The following SIPA1L2 variants were observed in gnomAD, a reference collection of about 807,000 sequenced individuals.
SIPA1L2 encodes the protein signal-induced proliferation-associated 1-like protein 2.
A neutral mutation model predicts 163.9 loss-of-function variants in SIPA1L2; 56 were observed. The observed-to-expected ratio is 0.34, with a 90% confidence interval of 0.28 to 0.43. The LOEUF is 0.43. SIPA1L2 is among the 20% of genes least tolerant of loss of function. SIPA1L2 has a pLI of 1.00. For missense variants in SIPA1L2, 1,974 were observed against 2,193.5 expected, an observed-to-expected ratio of 0.90 and a Z score of 2.00; for synonymous variants, 877 against 865.7, an observed-to-expected ratio of 1.01 and a Z score of -0.23.
intron 15 of SIPA1L2, among the ~76,000 whole-genome samples, chr1:232,432,919 G>A (rs1002374028): frequency 6.6e-6 from 1 of 152,198 alleles, no homozygotes; most frequent in African/African-American, 2.4e-5. Context: ...GTGACCCAGT[G>A]TTAGTAAGAA....
intron 16 of SIPA1L2, among the ~76,000 whole-genome samples, chr1:232,431,986 G>A (rs1444559419): frequency 6.6e-6 from 1 of 152,158 alleles, no homozygotes; most frequent in Non-Finnish European, 1.5e-5. Context: ...ACCATCAGCA[G>A]CATGTTACCA....
Position 232,562,097 on chromosome 1 carries a change from G to C in SIPA1L2, c.-270+12077C>G, listed in dbSNP as rs147276133. Among the ~76,000 whole-genome samples, 974 of 152,318 alleles carry C rather than the reference G, an allele frequency of 6.4e-3. 24 individuals carry two copies. Among genetic ancestry groups the C allele is most frequent in the Admixed American group, 0.027 (420 of 15,300 alleles). On this transcript the variant is annotated intron_variant, in intron 2 of 22. Coordinates refer to ENST00000674635, the MANE Select transcript of SIPA1L2 (RefSeq NM_020808.5). ...GAGTTTTGGAGGGCAGAGGACACTG[G>C]AGAAGTACTGATGAGGAGAAATGGG...
intron 3 of SIPA1L2, among the ~76,000 whole-genome samples, chr1:232,501,571 C>A (rs1315214454): frequency 2.0e-5 from 3 of 152,198 alleles, no homozygotes. Flanking sequence ...TTGACTTTCA[C>A]TAAGTACCCA....
intron 5 of SIPA1L2, among the ~76,000 whole-genome samples, chr1:232,488,680 T>C (rs1665769824): frequency 6.6e-6 from 1 of 152,192 alleles, no homozygotes; most frequent in Admixed American, 6.5e-5. Flanking sequence ...CAGAATCCCA[T>C]TTTCTAAATA....
chr1:232,543,240 T>G (rs1657800561), intron 2 of SIPA1L2, among the ~76,000 whole-genome samples: 1 of 152,224 alleles, frequency 6.6e-6, no homozygotes, highest in African/African-American at 2.4e-5. Flanking sequence ...TCGAAATGTA[T>G]CATATACAAA....
At chr1:232,538,717 T>C (rs1165884208) in intron 2 of SIPA1L2, among the ~76,000 whole-genome samples, 2 of 148,690 alleles carry the variant, frequency 1.3e-5, no homozygotes, top group African/African-American at 4.9e-5. Context: ...CATGTGCTTG[T>C]ATACACACAT....
intron 1 of SIPA1L2, among the ~76,000 whole-genome samples, chr1:232,624,013 C>G (rs1049105499): frequency 1.3e-5 from 2 of 152,034 alleles, no homozygotes; most frequent in African/African-American, 4.8e-5. Flanking sequence ...TATTAATCTT[C>G]TTAAAATGTA....
chr1:232,406,753 C>T (rs1009948577), intron 19 of SIPA1L2, among the ~76,000 whole-genome samples: 1 of 151,922 alleles, frequency 6.6e-6, no homozygotes, highest in African/African-American at 2.4e-5. Context: ...ATCAACGCGT[C>T]ATGTCTGTTG....
At chr1:232,434,362 C>T (rs1203726577) in intron 15 of SIPA1L2, among the ~76,000 whole-genome samples, 1 of 152,092 alleles carries the variant, frequency 6.6e-6, no homozygotes, top group Admixed American at 6.6e-5. Context: ...TAAAATTAAC[C>T]AACCAACAAA....
chr1:232,444,708 G>A (rs1475799223), intron 11 of SIPA1L2, among the ~76,000 whole-genome samples: 2 of 152,170 alleles, frequency 1.3e-5, no homozygotes, highest in Non-Finnish European at 2.9e-5. Context: ...TTCCTGATGT[G>A]GTTTGTCAGA....
At chr1:232,535,601 TTATTAA>T (rs1344079031) in intron 2 of SIPA1L2, among the ~76,000 whole-genome samples, 5 of 152,226 alleles carry the variant, frequency 3.3e-5, no homozygotes, top group African/African-American at 1.2e-4. Context: ...TGCCAAGTCA[TTATTAA>T]TATTAATTGC....
intron 3 of SIPA1L2, among the ~76,000 whole-genome samples, chr1:232,502,567 T>C (rs1666535236): frequency 6.6e-6 from 1 of 150,426 alleles, no homozygotes; most frequent in Non-Finnish European, 1.5e-5. Context: ...GGCAGGTGAA[T>C]TAAAAAAAAA....
intron 4 of SIPA1L2, among the ~76,000 whole-genome samples, chr1:232,492,097 G>C (rs1265951742): frequency 6.6e-6 from 1 of 152,002 alleles, no homozygotes; most frequent in Non-Finnish European, 1.5e-5. Context: ...GTCACTTTAG[G>C]AGAGGGGCTT....
intron 19 of SIPA1L2, among the ~76,000 whole-genome samples, chr1:232,406,566 T>A (rs1461218812): frequency 6.6e-6 from 1 of 152,196 alleles, no homozygotes; most frequent in Non-Finnish European, 1.5e-5. Context: ...CTAGGATGCC[T>A]GCAGCACCAG....
chr1:232,529,085 AAC>A (rs1397889083), intron 2 of SIPA1L2, among the ~76,000 whole-genome samples: 1 of 152,204 alleles, frequency 6.6e-6, no homozygotes, highest in Non-Finnish European at 1.5e-5. Context: ...CCAAAATGCT[AAC>A]AGTTAGGTCA....
intron 10 of SIPA1L2, among the ~76,000 whole-genome samples, chr1:232,455,997 G>A (rs1663891006): frequency 6.6e-6 from 1 of 152,080 alleles, no homozygotes; most frequent in African/African-American, 2.4e-5. Context: ...TGCCTGCTGG[G>A]TAGTATGCTG....
At chr1:232,614,823 GCCT>G (rs1375917019) in intron 1 of SIPA1L2, among the ~76,000 whole-genome samples, 1 of 152,162 alleles carries the variant, frequency 6.6e-6, no homozygotes, top group African/African-American at 2.4e-5. Context: ...AGAGTTTTCT[GCCT>G]CTTTTTCTAA....
chr1:232,508,734 G>A (rs1163132743), intron 3 of SIPA1L2, among the ~76,000 whole-genome samples: 1 of 152,186 alleles, frequency 6.6e-6, no homozygotes, highest in African/African-American at 2.4e-5. Context: ...CATGGTTATC[G>A]CCCGTGAAAG....
intron 1 of SIPA1L2, among the ~76,000 whole-genome samples, chr1:232,610,164 G>A (rs370024588): frequency 2.0e-5 from 3 of 152,026 alleles, no homozygotes; most frequent in Non-Finnish European, 4.4e-5. Flanking sequence ...AAAAATTGAG[G>A]TTTTAAAATG....
Sources: allele counts gnomAD v4.1 joint callset (sites outside exome capture counted in the v4.1 genomes callset), GRCh38; gene constraint gnomAD v4.1.1; transcripts MANE v1.5; gene names NCBI Gene and HGNC (gene_info 2026-07-23, HGNC 2026-07-21).